Variants in FOXP1 observed in about 807,000 individuals in gnomAD.
The protein encoded by FOXP1 is forkhead box protein P1.
A neutral mutation model predicts 98.2 loss-of-function variants in FOXP1; 15 were observed. The observed-to-expected ratio is 0.15, with a 90% CI of 0.10 to 0.24. The LOEUF is 0.24. FOXP1 is among the 10% of genes least tolerant of loss of function. The pLI is 1.00. For synonymous variants in FOXP1, 371 were observed against 314.5 expected (o/e 1.18, Z -1.90); for missense variants, 633 against 848.5 (o/e 0.75, Z 3.15).
At chr3:71,396,763 C>T (rs187627634) in intron 3 of FOXP1, among the ~76,000 whole-genome samples, 44 of 150,626 alleles carry the variant, frequency 2.9e-4, no homozygotes, top group African/African-American at 1.1e-3. Context: ...CCCTTCTAAG[C>T]GTCAGGTCTT....
intron 5 of FOXP1, among the ~76,000 whole-genome samples, chr3:71,211,077 A>G (rs1327291467): frequency 6.6e-6 from 1 of 152,166 alleles, no homozygotes; most frequent in Non-Finnish European, 1.5e-5. Context: ...TCATTGCTTG[A>G]ATGGGGTACT....
intron 2 of FOXP1, 126 bp downstream of exon 2, chr3:71,581,423 C>G: frequency 1.0e-6 from 1 of 985,480 alleles, no homozygotes; most frequent in Non-Finnish European, 1.2e-6. Flanking sequence ...GCACATTCCT[C>G]GCTCCCGGTG....
chr3:71,360,045 G>A (rs762586787), intron 3 of FOXP1, among the ~76,000 whole-genome samples: 12 of 152,028 alleles, frequency 7.9e-5, no homozygotes, highest in African/African-American at 1.4e-4. Context: ...CACCCGCCTC[G>A]GCCTCTCAAA....
intron 7 of FOXP1, among the ~76,000 whole-genome samples, chr3:71,089,186 T>C (rs2055508096): frequency 6.6e-6 from 1 of 152,188 alleles, no homozygotes; most frequent in African/African-American, 2.4e-5. Flanking sequence ...CCGGTCTCTG[T>C]GACCAATAAA....
chr3:71,288,679 C>CA (rs1400307522), intron 5 of FOXP1, among the ~76,000 whole-genome samples: 2 of 152,134 alleles, frequency 1.3e-5, no homozygotes, highest in Non-Finnish European at 2.9e-5. Flanking sequence ...TCAAGAGGGA[C>CA]AAAATGCCCA....
intron 5 of FOXP1, among the ~76,000 whole-genome samples, chr3:71,236,242 T>G (rs1305324582): frequency 1.3e-5 from 2 of 152,326 alleles, no homozygotes; most frequent in East Asian, 3.9e-4. Context: ...ATTCTCAATT[T>G]GATTAGGAAG....
intron 7 of FOXP1, among the ~76,000 whole-genome samples, chr3:71,105,373 G>A (rs2057342408): frequency 6.6e-6 from 1 of 152,048 alleles, no homozygotes; most frequent in Admixed American, 6.5e-5. Flanking sequence ...AGTGATCCAT[G>A]AAAAAGTAAT....
At chr3:71,167,895 A>G (rs1560052996) in intron 6 of FOXP1, among the ~76,000 whole-genome samples, 1 of 152,214 alleles carries the variant, frequency 6.6e-6, no homozygotes, top group Non-Finnish European at 1.5e-5. Context: ...GCTAACTTCT[A>G]CACTCCTGCA....
chr3:71,079,656 G>A (rs1001388894), intron 7 of FOXP1, among the ~76,000 whole-genome samples: 2 of 152,058 alleles, frequency 1.3e-5, no homozygotes, highest in African/African-American at 4.8e-5. Flanking sequence ...TTCACGTCAG[G>A]GCTTATTCTC....
intron 7 of FOXP1, among the ~76,000 whole-genome samples, chr3:71,098,555 T>C (rs898443131): frequency 6.6e-6 from 1 of 152,206 alleles, no homozygotes; most frequent in Non-Finnish European, 1.5e-5. Context: ...CTCGCGAACC[T>C]GAGACCAGTC....
intron 6 of FOXP1, among the ~76,000 whole-genome samples, chr3:71,133,151 T>C (rs1324392542): frequency 6.6e-6 from 1 of 152,216 alleles, no homozygotes; most frequent in Non-Finnish European, 1.5e-5. Flanking sequence ...GTTCTTCCTC[T>C]ACAAAGAATG....
rs367770797 is a variant in FOXP1 at position 70,988,082 on chromosome 3, C to T, written c.1063-5G>A. The T allele has an allele frequency of 3.0e-5, 48 of 1,613,560 alleles. No individual in the cohort carries two copies. The highest frequency in any genetic ancestry group is 3.6e-5 in the Non-Finnish European group (43 of 1,179,672). Reference sequence around the variant, plus strand: ...GCGTTCTTTGTCTTTTGCAAGCTGGCAAGAAGAAAATGCTTTGTTATTTCT... The same window carrying T: ...GCGTTCTTTGTCTTTTGCAAGCTGGTAAGAAGAAAATGCTTTGTTATTTCT... On this transcript the variant is annotated splice_polypyrimidine_tract_variant and splice_region_variant and intron_variant, in intron 13 of 20. Transcript: ENST00000649528.
chr3:71,329,231 C>CT (rs937802649), intron 4 of FOXP1, among the ~76,000 whole-genome samples: 7 of 150,226 alleles, frequency 4.7e-5, no homozygotes, highest in African/African-American at 9.8e-5. Context: ...TTTTCTTTTT[C>CT]TTTTTTTTGA....
chr3:71,454,403 C>A (rs1341017558), intron 3 of FOXP1, among the ~76,000 whole-genome samples: 1 of 152,138 alleles, frequency 6.6e-6, no homozygotes, highest in East Asian at 1.9e-4. Context: ...AGCTAAGGCA[C>A]AGAGAGAGAC....
At chr3:70,959,511 T>C in intron 20 of FOXP1, 120 bp from the exon 21 acceptor site, 1 of 1,076,498 alleles carries the variant, frequency 9.3e-7, no homozygotes. Context: ...TGTCCAGTAT[T>C]GTTACCATTA....
chr3:71,550,916 G>A (rs1002794744), intron 2 of FOXP1, among the ~76,000 whole-genome samples: 2 of 152,210 alleles, frequency 1.3e-5, no homozygotes, highest in Admixed American at 6.5e-5. Flanking sequence ...CTCCTCCTCA[G>A]ACACGATGAA....
At chr3:71,548,310 G>A (rs2045520173) in intron 2 of FOXP1, among the ~76,000 whole-genome samples, 1 of 152,114 alleles carries the variant, frequency 6.6e-6, no homozygotes, top group Non-Finnish European at 1.5e-5. Context: ...CACACAAATA[G>A]CGTAAGTTTA....
intron 2 of FOXP1, among the ~76,000 whole-genome samples, chr3:71,560,531 T>C (rs888995795): frequency 6.6e-6 from 1 of 152,172 alleles, no homozygotes; most frequent in South Asian, 2.1e-4. Context: ...AGGTAGCATA[T>C]GGCCCAGTCA....
chr3:71,496,193 A>G (rs1167586949), intron 2 of FOXP1, among the ~76,000 whole-genome samples: 1 of 152,242 alleles, frequency 6.6e-6, no homozygotes, highest in African/African-American at 2.4e-5. Context: ...GGATGAGGTC[A>G]TGCACTGTCT....
Sources: allele counts gnomAD v4.1 joint callset (sites outside exome capture counted in the v4.1 genomes callset), GRCh38; gene constraint gnomAD v4.1.1; transcripts MANE v1.5; gene names NCBI Gene and HGNC (gene_info 2026-07-23, HGNC 2026-07-21).